Variants in SCHIP1 observed in about 807,000 individuals in gnomAD.
The protein encoded by SCHIP1 is schwannomin interacting protein 1, also known as schwannomin-interacting protein 1.
SCHIP1 carries 8 observed loss-of-function variants against 29.7 expected under a neutral mutation model. The observed-to-expected ratio is 0.27, with a 90% confidence interval of 0.16 to 0.49. The LOEUF (loss-of-function observed/expected upper bound fraction) is 0.49, where lower values mean the gene tolerates loss of function less well. Ranked by LOEUF, SCHIP1 falls within the 20% of genes least tolerant of loss-of-function variation. The pLI is 0.99. For missense variants in SCHIP1, 193 were observed against 294.6 expected, an observed-to-expected ratio of 0.66 and a Z score of 2.52; for synonymous variants, 76 against 94.9, an observed-to-expected ratio of 0.80 and a Z score of 1.16.
At chr3:159,466,655 G>A in the SCHIP1 span, among the ~76,000 whole-genome samples, 1 of 152,042 alleles carries the variant, frequency 6.6e-6, no homozygotes, top group Non-Finnish European at 1.5e-5. Flanking sequence ...CCAGAGAAAA[G>A]AGCTCTTACA....
intron 1 of SCHIP1, chr3:159,853,066 T>C: frequency 1.2e-5 from 3 of 247,024 alleles, no homozygotes; most frequent in Non-Finnish European, 1.6e-5. Context: ...TGGAGAGGAA[T>C]TGGGGCGGGA....
chr3:159,523,545 A>G, the SCHIP1 span, among the ~76,000 whole-genome samples: 1 of 152,220 alleles, frequency 6.6e-6, no homozygotes, highest in Admixed American at 6.5e-5. Context: ...CTGATAGTGT[A>G]TGTCTGTAAA....
At chr3:159,674,581 A>G in the SCHIP1 span, among the ~76,000 whole-genome samples, 2 of 145,342 alleles carry the variant, frequency 1.4e-5, no homozygotes, top group Admixed American at 6.9e-5. Context: ...CACTGTTCTT[A>G]CATATAGGGT....
the SCHIP1 span, among the ~76,000 whole-genome samples, chr3:159,515,927 AC>A: frequency 6.6e-6 from 1 of 151,766 alleles, no homozygotes; most frequent in Non-Finnish European, 1.5e-5. Flanking sequence ...TGAGAAAAAT[AC>A]ATAGTATTTG....
chr3:159,835,996 A>G (rs998988762), upstream of SCHIP1, among the ~76,000 whole-genome samples: 3 of 152,242 alleles, frequency 2.0e-5, no homozygotes, highest in African/African-American at 7.2e-5. Flanking sequence ...CCCTTAAAAC[A>G]TACCTTGAAT....
chr3:159,399,992 A>G, the SCHIP1 span, among the ~76,000 whole-genome samples: 1,086 of 152,264 alleles, frequency 7.1e-3, 17 homozygotes, highest in African/African-American at 0.025. Flanking sequence ...GCAGGTTAGG[A>G]CCAATAAGTG....
chr3:159,630,547 T>C, the SCHIP1 span, among the ~76,000 whole-genome samples: 1 of 152,142 alleles, frequency 6.6e-6, no homozygotes, highest in East Asian at 1.9e-4. Flanking sequence ...CTGGATGGAA[T>C]TGGAGACCCT....
At chr3:159,714,702 T>C in the SCHIP1 span, among the ~76,000 whole-genome samples, 8 of 152,092 alleles carry the variant, frequency 5.3e-5, no homozygotes, top group African/African-American at 1.9e-4. Flanking sequence ...GGGGAAGGGG[T>C]GCCCGCCATT....
the SCHIP1 span, among the ~76,000 whole-genome samples, chr3:159,294,585 T>C: frequency 6.6e-6 from 1 of 152,184 alleles, no homozygotes; most frequent in African/African-American, 2.4e-5. Flanking sequence ...ATGCAGACAA[T>C]TGAAATGCAG....
the SCHIP1 span, among the ~76,000 whole-genome samples, chr3:159,628,106 A>G: frequency 6.6e-6 from 1 of 152,218 alleles, no homozygotes; most frequent in Non-Finnish European, 1.5e-5. Context: ...AAAGTAACTG[A>G]GGAGTGGAGT....
the SCHIP1 span, among the ~76,000 whole-genome samples, chr3:159,480,859 T>C: frequency 1.3e-5 from 2 of 152,270 alleles, no homozygotes; most frequent in Middle Eastern, 6.8e-3. Context: ...GCTGTTTATT[T>C]CACCTGGGTG....
the SCHIP1 span, among the ~76,000 whole-genome samples, chr3:159,467,969 T>C: frequency 6.6e-6 from 1 of 152,166 alleles, no homozygotes. Context: ...TGGGTTGTCT[T>C]GTTTTCACAT....
At chr3:159,299,667 T>C in the SCHIP1 span, among the ~76,000 whole-genome samples, 94 of 152,352 alleles carry the variant, frequency 6.2e-4, no homozygotes, top group African/African-American at 2.2e-3. Flanking sequence ...ACTTTCTGGC[T>C]GTCTGGATGG....
chr3:159,778,053 T>C, the SCHIP1 span, among the ~76,000 whole-genome samples: 115,669 of 151,990 alleles, frequency 0.76, 45,226 homozygotes, highest in East Asian at 0.99. Flanking sequence ...GGCGTGATCT[T>C]GGCTCACTGC....
the SCHIP1 span, among the ~76,000 whole-genome samples, chr3:159,279,920 A>G: frequency 6.6e-6 from 1 of 152,126 alleles, no homozygotes; most frequent in Admixed American, 6.6e-5. Flanking sequence ...CAGTTCAAAA[A>G]TACCCCTCAC....
At chr3:159,798,143 A>G in the SCHIP1 span, among the ~76,000 whole-genome samples, 16 of 152,200 alleles carry the variant, frequency 1.1e-4, no homozygotes, top group Non-Finnish European at 2.1e-4. Context: ...GTTCAAACCA[A>G]TGGCCTCCTA....
At chr3:159,440,334 C>T in the SCHIP1 span, among the ~76,000 whole-genome samples, 1 of 152,112 alleles carries the variant, frequency 6.6e-6, no homozygotes, top group East Asian at 1.9e-4. Flanking sequence ...AGTTGGAAGT[C>T]AGGTAACATG....
chr3:159,713,384 GGAGGAA>G, the SCHIP1 span, among the ~76,000 whole-genome samples: 1 of 152,156 alleles, frequency 6.6e-6, no homozygotes, highest in Non-Finnish European at 1.5e-5. Flanking sequence ...TTCAGTGCAT[GGAGGAA>G]GATATGAAGC....
the SCHIP1 span, among the ~76,000 whole-genome samples, chr3:159,686,260 A>G: frequency 6.6e-6 from 1 of 152,244 alleles, no homozygotes; most frequent in Non-Finnish European, 1.5e-5. Flanking sequence ...GAATATTTGA[A>G]GCCCAGATGT....
Sources: allele counts gnomAD v4.1 joint callset (sites outside exome capture counted in the v4.1 genomes callset), GRCh38; gene constraint gnomAD v4.1.1; transcripts MANE v1.5; gene names NCBI Gene and HGNC (gene_info 2026-07-23, HGNC 2026-07-21).